SNX10: variants seen among roughly 807,000 people sequenced by gnomAD.
The protein encoded by SNX10 is sorting nexin-10.
In SNX10, 25 loss-of-function variants were observed where a neutral mutation model predicts 28.5. The ratio of observed to expected loss-of-function variants is 0.88; its 90% CI spans 0.64 to 1.22. The LOEUF (loss-of-function observed/expected upper bound fraction) is 1.22, where lower values mean the gene tolerates loss of function less well. Ranked by LOEUF, SNX10 falls within the 50% of genes most tolerant of loss-of-function variation. The pLI is 0.00. For synonymous variants in SNX10, 62 were observed against 81.4 expected, an observed-to-expected ratio of 0.76 and a Z score of 1.28; for missense variants, 223 against 242.6, an observed-to-expected ratio of 0.92 and a Z score of 0.54.
intron 1 of SNX10, among the ~76,000 whole-genome samples, chr7:26,301,836 CTTTAT>C (rs781434915): frequency 4.6e-4 from 70 of 152,066 alleles, no homozygotes; most frequent in Non-Finnish European, 8.1e-4. Flanking sequence ...TTTTCCAGTA[CTTTAT>C]TTTAAGAGTC....
At chr7:26,335,454 A>G (rs1227843510) in intron 1 of SNX10, among the ~76,000 whole-genome samples, 1 of 152,162 alleles carries the variant, frequency 6.6e-6, no homozygotes, top group Non-Finnish European at 1.5e-5. Flanking sequence ...GCTGTGCCCT[A>G]GGTACCCTCT....
In SNX10 at chr7:26,304,994, G is replaced by T. The variant is rs541928765; in HGVS notation, c.-24+12908G>T. 2.6e-5 allele frequency among the ~76,000 whole-genome samples: 4 copies of T among 152,184 alleles called. No individual in the cohort carries two copies. In the South Asian group the frequency reaches 8.3e-4, roughly 32 times the overall value. On this transcript the variant is annotated intron_variant, in intron 1 of 6. Coordinates refer to ENST00000338523, the MANE Select transcript of SNX10 (RefSeq NM_013322.3). ...TTCTGCGAATTCCCTGGAGGAGGGG[G>T]TGGATGGGGGAGGCCTCATGTGCTT...
Position 26,359,419 on chromosome 7 carries a change from G to A in SNX10, c.25-1556G>A, listed in dbSNP as rs191232953. 2.1e-3 allele frequency among the ~76,000 whole-genome samples: 314 copies of A among 152,174 alleles called. 3 individuals are homozygous for A. Among genetic ancestry groups the A allele is most frequent in the African/African-American group, 7.4e-3 (306 of 41,510 alleles). ...CTCTCTTTTTCTTCTGCTCTCAAGC[G>A]TTCATAGCCTGCCTCTCAGATGTGC... On this transcript the variant is annotated intron_variant, in intron 2 of 6. Transcript: ENST00000338523.
rs897823508 is a variant in SNX10 at position 26,301,500 on chromosome 7, G to A, written c.-24+9414G>A. Among the ~76,000 whole-genome samples, 11 of 152,094 alleles carry A rather than the reference G, an allele frequency of 7.2e-5. No individual in the cohort carries two copies. In the East Asian group the frequency reaches 1.9e-3, roughly 27 times the overall value. ...TGAGAGAACAAAAAAGAGGGTGAGG[G>A]GGAACCAAAGGGGGCACCAAAGGCC... On this transcript the variant is annotated intron_variant, in intron 1 of 6. Transcript: ENST00000338523.
chr7:26,322,451 T>C (rs1373615685), intron 1 of SNX10, among the ~76,000 whole-genome samples: 1 of 152,220 alleles, frequency 6.6e-6, no homozygotes, highest in Non-Finnish European at 1.5e-5. Context: ...AGATTCTAGC[T>C]ACATAAAAAG....
At chr7:26,306,153 A>AT (rs1214259000) in intron 1 of SNX10, among the ~76,000 whole-genome samples, 2 of 150,754 alleles carry the variant, frequency 1.3e-5, no homozygotes, top group Non-Finnish European at 3.0e-5. Context: ...ATCCACCCGC[A>AT]TTGGCCTCCC....
chr7:26,342,092 T>C (rs933079616), intron 1 of SNX10, among the ~76,000 whole-genome samples: 7 of 149,954 alleles, frequency 4.7e-5, no homozygotes, highest in Admixed American at 6.7e-5. Context: ...AGTGGCACGA[T>C]CTTGGCTCAC....
chr7:26,336,025 C>G (rs1787928548), intron 1 of SNX10, among the ~76,000 whole-genome samples: 1 of 152,060 alleles, frequency 6.6e-6, no homozygotes, highest in Non-Finnish European at 1.5e-5. Flanking sequence ...GCCACCGCGC[C>G]CGGCCTGGAA....
intron 1 of SNX10, among the ~76,000 whole-genome samples, chr7:26,317,328 G>T (rs1452777994): frequency 2.0e-5 from 3 of 152,158 alleles, no homozygotes; most frequent in African/African-American, 7.2e-5. Flanking sequence ...TTGAATTCCA[G>T]CATTGCCCTT....
At chr7:26,342,130 G>A (rs889284777) in intron 1 of SNX10, among the ~76,000 whole-genome samples, 5 of 149,202 alleles carry the variant, frequency 3.4e-5, no homozygotes. Context: ...AAGTTCAAGT[G>A]ATTCTCCTGC....
chr7:26,325,740 T>C (rs1787479646), intron 1 of SNX10, among the ~76,000 whole-genome samples: 1 of 151,638 alleles, frequency 6.6e-6, no homozygotes, highest in Non-Finnish European at 1.5e-5. Flanking sequence ...GATTTTTTTT[T>C]TTTTTGAGAT....
chr7:26,357,488 T>C (rs1206489886), intron 2 of SNX10, among the ~76,000 whole-genome samples: 2 of 152,128 alleles, frequency 1.3e-5, no homozygotes, highest in African/African-American at 4.8e-5. Flanking sequence ...TGTATTGTGC[T>C]AGCTGAGGAG....
intron 2 of SNX10, among the ~76,000 whole-genome samples, chr7:26,351,660 T>G (rs865901546): frequency 0.071 from 1,909 of 26,880 alleles, 5 homozygotes; most frequent in African/African-American, 0.11. Flanking sequence ...TTTTTTTTTG[T>G]TTTTTTTTTT....
chr7:26,370,648 G>A (rs1441359560), intron 5 of SNX10: 2 of 152,054 alleles, frequency 1.3e-5, no homozygotes, highest in Non-Finnish European at 2.9e-5. Flanking sequence ...AATGACCTTG[G>A]ATTTTCACTA....
At chr7:26,372,075 AATAC>A (rs767013078) in intron 6 of SNX10, 42 bp downstream of exon 6, 2 of 1,298,070 alleles carry the variant, frequency 1.5e-6, no homozygotes, top group South Asian at 2.5e-5. Flanking sequence ...GTATTTATAT[AATAC>A]ATAGTATGCA....
intron 1 of SNX10, among the ~76,000 whole-genome samples, chr7:26,338,400 G>C (rs956455948): frequency 1.3e-5 from 2 of 152,050 alleles, no homozygotes; most frequent in Non-Finnish European, 2.9e-5. Context: ...AGTAATTTAC[G>C]CAGACCCCGC....
In SNX10 at chr7:26,364,888, G is replaced by C. The variant is rs115275669; in HGVS notation, c.213-159G>C. ...GGGTTTTTCTTTAAGCTGACTTCCT[G>C]ATACCCTTATTATATAACTATATAA... On this transcript the variant is annotated intron_variant, in intron 4 of 6. Coordinates refer to ENST00000338523, the MANE Select transcript of SNX10 (RefSeq NM_013322.3). This position sits in a 1 kb window ranked among gnomAD's most constrained non-coding sequence, Gnocchi z 4.9. Among the ~76,000 whole-genome samples the C allele has an allele frequency of 5.2e-3, 791 of 152,164 alleles. 8 individuals carry two copies. The highest frequency in any genetic ancestry group is 0.018 in the African/African-American group (740 of 41,486).
chr7:26,331,153 T>TA (rs1787732245), intron 1 of SNX10, among the ~76,000 whole-genome samples: 1 of 101,210 alleles, frequency 9.9e-6, no homozygotes, highest in African/African-American at 3.9e-5. Flanking sequence ...CTGTCTCTAA[T>TA]AAAAAAAGAG....
intron 1 of SNX10, among the ~76,000 whole-genome samples, chr7:26,306,753 A>C (rs1786610296): frequency 6.6e-6 from 1 of 152,222 alleles, no homozygotes. Context: ...AAGGCACCTC[A>C]GCATTTTTCA....
Sources: gnomAD v4.1 joint callset for allele counts (sites outside exome capture counted in the v4.1 genomes callset) on GRCh38, gnomAD v4.1.1 for gene constraint, Gnocchi (gnomAD v3.1) non-coding constraint, MANE v1.5 for transcripts, NCBI Gene and HGNC (gene_info 2026-07-23, HGNC 2026-07-21) for gene names.